Variants in NFIA observed in about 807,000 individuals in gnomAD.
The protein encoded by NFIA is nuclear factor 1 A-type.
A neutral mutation model predicts 62.8 loss-of-function variants in NFIA; 8 were observed. That is an observed-to-expected ratio of 0.13 (90% CI 0.07 to 0.23). The LOEUF is 0.23. NFIA is among the 10% of genes least tolerant of loss of function. The pLI is 1.00. For synonymous variants in NFIA, 235 were observed against 238.1 expected (o/e 0.99, Z 0.12); for missense variants, 410 against 642.1 (o/e 0.64, Z 3.91).
intron 2 of NFIA, among the ~76,000 whole-genome samples, chr1:61,224,063 C>A (rs906641976): frequency 6.6e-6 from 1 of 151,836 alleles, no homozygotes; most frequent in African/African-American, 2.4e-5. Context: ...TAGAATTTTA[C>A]TTATTGAGAT....
chr1:61,181,460 A>G (rs1650756995), intron 2 of NFIA, among the ~76,000 whole-genome samples: 1 of 152,240 alleles, frequency 6.6e-6, no homozygotes, highest in South Asian at 2.1e-4. Flanking sequence ...CATAATTTTT[A>G]TTTAGAAGGT....
chr1:61,441,148 G>A (rs962636796), intron 10 of NFIA, among the ~76,000 whole-genome samples: 5 of 152,164 alleles, frequency 3.3e-5, no homozygotes, highest in African/African-American at 1.2e-4. Context: ...TAGAAAATGG[G>A]TGCATGGTTT....
chr1:61,165,022 C>T (rs766473472), intron 2 of NFIA, among the ~76,000 whole-genome samples: 19 of 152,118 alleles, frequency 1.2e-4, no homozygotes, highest in Non-Finnish European at 2.2e-4. Flanking sequence ...TAAATGGTTT[C>T]GTATTATATA....
At chr1:61,350,213 G>A (rs1287302498) in intron 4 of NFIA, among the ~76,000 whole-genome samples, 4 of 152,142 alleles carry the variant, frequency 2.6e-5, no homozygotes, top group Non-Finnish European at 5.9e-5. Context: ...CTGCCTCCTG[G>A]TGTCAGGGAC....
intron 3 of NFIA, among the ~76,000 whole-genome samples, chr1:61,322,754 G>A (rs1660741117): frequency 6.6e-6 from 1 of 152,060 alleles, no homozygotes; most frequent in Admixed American, 6.6e-5. Flanking sequence ...ACAAAAACAT[G>A]AATTTTATAT....
chr1:61,160,176 A>C (rs1649092535), intron 2 of NFIA, among the ~76,000 whole-genome samples: 1 of 152,126 alleles, frequency 6.6e-6, no homozygotes, highest in African/African-American at 2.4e-5. Context: ...CTTTGGCCAA[A>C]TCATCTCCCC....
intron 2 of NFIA, among the ~76,000 whole-genome samples, chr1:61,185,004 T>C (rs1348810733): frequency 6.6e-6 from 1 of 152,234 alleles, no homozygotes; most frequent in Non-Finnish European, 1.5e-5. Flanking sequence ...TTAACGTTAA[T>C]ATGAGAACTA....
At chr1:61,327,839 T>C (rs1240575244) in intron 3 of NFIA, among the ~76,000 whole-genome samples, 1 of 152,200 alleles carries the variant, frequency 6.6e-6, no homozygotes, top group Non-Finnish European at 1.5e-5. Flanking sequence ...GAAATCTCCA[T>C]ACTGTTTCAC....
chr1:61,242,835 A>G (rs1333379473), intron 2 of NFIA, among the ~76,000 whole-genome samples: 2 of 152,108 alleles, frequency 1.3e-5, no homozygotes, highest in Admixed American at 6.6e-5. Flanking sequence ...TTTTATCTCA[A>G]TTGGTAGTGG....
intron 2 of NFIA, among the ~76,000 whole-genome samples, chr1:61,228,021 T>G (rs1654440190): frequency 6.6e-6 from 1 of 152,234 alleles, no homozygotes; most frequent in South Asian, 2.1e-4. Flanking sequence ...ATGACCACTA[T>G]CTCTCAGATC....
intron 3 of NFIA, among the ~76,000 whole-genome samples, chr1:61,306,294 T>TTTTTTTTTTTTA (rs748026405): frequency 9.1e-6 from 1 of 109,748 alleles, no homozygotes; most frequent in Non-Finnish European, 1.8e-5. Context: ...TTTTTTTTTT[T>TTTTTTTTTTTTA]AAGACAGAGT....
At chr1:61,241,665 C>T (rs1655355745) in intron 2 of NFIA, among the ~76,000 whole-genome samples, 1 of 151,848 alleles carries the variant, frequency 6.6e-6, no homozygotes, top group Non-Finnish European at 1.5e-5. Context: ...CCTCCCCCCA[C>T]ACAACTACCA....
At chr1:61,112,746 C>T (rs1468852338) in intron 2 of NFIA, among the ~76,000 whole-genome samples, 10 of 152,104 alleles carry the variant, frequency 6.6e-5, no homozygotes, top group African/African-American at 2.4e-4. Flanking sequence ...TGTTTGCATA[C>T]AATGGATTAA....
chr1:61,184,301 CG>C (rs1650991973), intron 2 of NFIA, among the ~76,000 whole-genome samples: 1 of 152,196 alleles, frequency 6.6e-6, no homozygotes, highest in Non-Finnish European at 1.5e-5. Context: ...TTTACTCGGC[CG>C]CAGCCAATCA....
intron 2 of NFIA, among the ~76,000 whole-genome samples, chr1:61,227,650 A>ATGTTTTTCTTCT (rs1553163325): frequency 6.6e-6 from 1 of 152,128 alleles, no homozygotes; most frequent in African/African-American, 2.4e-5. Context: ...GTTTTTGTTC[A>ATGTTTTTCTTCT]TGTTTTTCTT....
chr1:61,301,874 A>G lies in NFIA; in HGVS notation c.625+24289A>G, dbSNP rs146575423. Among the ~76,000 whole-genome samples the G allele has an allele frequency of 2.8e-4, 43 of 152,326 alleles. No individual in the cohort carries two copies. The East Asian group carries it at 8.3e-3, about 29-fold the overall frequency. On this transcript the variant is annotated intron_variant, in intron 3 of 10. Transcript: ENST00000403491. The stretch of plus-strand genomic sequence containing the variant: ...TGGTAGGTTCTGTCTGAGCCAGGTC[A>G]CCTACAAAAGCAAACAACAATGCTG...
At chr1:61,077,860 T>A (rs1454642047), upstream of NFIA, among the ~76,000 whole-genome samples, 4 of 152,002 alleles carry the variant, frequency 2.6e-5, no homozygotes, top group Non-Finnish European at 4.4e-5. Flanking sequence ...TTCTTTTTTT[T>A]TTTTTTCGGG....
At chr1:61,119,151 C>A (rs1298777004) in intron 2 of NFIA, among the ~76,000 whole-genome samples, 1 of 152,080 alleles carries the variant, frequency 6.6e-6, no homozygotes, top group African/African-American at 2.4e-5. Flanking sequence ...CCTGTGAAAT[C>A]TTAAATATTT....
intron 2 of NFIA, among the ~76,000 whole-genome samples, chr1:61,089,684 C>T (rs576558275): frequency 4.7e-5 from 6 of 126,774 alleles, no homozygotes; most frequent in South Asian, 2.4e-4. Context: ...AAATATTTAA[C>T]GTTTTTTTTT....
Sources: gnomAD v4.1 joint callset for allele counts (sites outside exome capture counted in the v4.1 genomes callset) on GRCh38, gnomAD v4.1.1 for gene constraint, MANE v1.5 for transcripts, NCBI Gene and HGNC (gene_info 2026-07-23, HGNC 2026-07-21) for gene names.